The following RBFOX1 variants were observed in gnomAD, a reference collection of about 807,000 sequenced individuals.
RBFOX1 encodes RNA binding fox-1 homolog 1.
RBFOX1 carries 8 observed loss-of-function variants against 57.7 expected under a neutral mutation model. The ratio of observed to expected loss-of-function variants is 0.14; its 90% CI spans 0.08 to 0.25. RBFOX1 has a LOEUF of 0.25. Among genes scored for constraint, RBFOX1 ranks in the 10% least tolerant of loss-of-function variants. The pLI is 1.00. For missense variants in RBFOX1, 611 were observed against 548.5 expected, an observed-to-expected ratio of 1.11 and a Z score of -1.14; for synonymous variants, 326 against 222.4, an observed-to-expected ratio of 1.47 and a Z score of -4.15.
intron 3 of RBFOX1, among the ~76,000 whole-genome samples, chr16:6,992,038 G>A (rs1198286510): frequency 6.6e-6 from 1 of 152,156 alleles, no homozygotes; most frequent in Non-Finnish European, 1.5e-5. Context: ...TTGTCAGAGT[G>A]TGGTCCACCT....
chr16:6,818,995 T>G lies in RBFOX1; in HGVS notation c.-16+164345T>G, dbSNP rs200662960. 5.5e-4 allele frequency among the ~76,000 whole-genome samples: 11 copies of G among 19,862 alleles called. No homozygotes were observed. In the East Asian group the frequency reaches 0.085, roughly 153 times the overall value. 13.0% of individuals were successfully genotyped at this position (19,862 alleles called of 152,430 possible). On this transcript the variant is annotated intron_variant, in intron 3 of 15. Transcript: ENST00000550418. Reference sequence around the variant, plus strand: ...AAAGGCACCTGTCTGAGAATCAAACTTGACACAGAGGAAAATAAAGGTAAG... The same window carrying G: ...AAAGGCACCTGTCTGAGAATCAAACGTGACACAGAGGAAAATAAAGGTAAG...
At chr16:7,066,351 C>G (rs1388243037) in intron 4 of RBFOX1, among the ~76,000 whole-genome samples, 1 of 152,120 alleles carries the variant, frequency 6.6e-6, no homozygotes, top group East Asian at 1.9e-4. Context: ...TAGAAAGGAG[C>G]TAAAATGATC....
intron 1 of RBFOX1, among the ~76,000 whole-genome samples, chr16:6,056,582 T>C (rs2095617300): frequency 6.6e-6 from 1 of 152,228 alleles, no homozygotes; most frequent in Non-Finnish European, 1.5e-5. Context: ...ATTTCTCCTC[T>C]GCTTACTTCC....
In RBFOX1 at chr16:5,576,811, GAA is replaced by G. The variant is rs1359102739; in HGVS notation, c.259-22090_259-22089del. On this transcript the variant is annotated intron_variant, in intron 2 of 2. Coordinates refer to the RBFOX1 transcript ENST00000585867. ...CAGCTTCAGATATCTTGGGGAATAA[GAA>G]GCTGAAGGGTCTGAGCGCTAGAGAA... 3.6e-3 allele frequency among the ~76,000 whole-genome samples: 550 copies of G among 152,378 alleles called. 4 individuals are homozygous for G. Among genetic ancestry groups the G allele is most frequent in the African/African-American group, 0.012 (517 of 41,604 alleles).
At chr16:5,667,536 C>T (rs2049886388) in intron 3 of RBFOX1, among the ~76,000 whole-genome samples, 2 of 152,190 alleles carry the variant, frequency 1.3e-5, no homozygotes, top group Non-Finnish European at 2.9e-5. Context: ...ATTAGTTCAT[C>T]AACTTAAAAA....
chr16:6,349,453 G>C (rs568815733), intron 2 of RBFOX1, among the ~76,000 whole-genome samples: 15 of 152,262 alleles, frequency 9.9e-5, no homozygotes, highest in African/African-American at 3.1e-4. Flanking sequence ...CTACCCCATA[G>C]AATTAAAATA....
At chr16:7,354,241 G>T (rs956822181) in intron 4 of RBFOX1, among the ~76,000 whole-genome samples, 1 of 152,102 alleles carries the variant, frequency 6.6e-6, no homozygotes, top group Admixed American at 6.5e-5. Flanking sequence ...ACACTGCTGC[G>T]ATTACAGGTG....
intron 4 of RBFOX1, among the ~76,000 whole-genome samples, chr16:7,240,814 C>A (rs1403330657): frequency 2.0e-5 from 3 of 152,194 alleles, no homozygotes; most frequent in African/African-American, 4.8e-5. Context: ...AAGCGATCCA[C>A]CTGCCTCAGC....
At chr16:6,833,760 G>T (rs571398143) in intron 3 of RBFOX1, among the ~76,000 whole-genome samples, 1 of 152,198 alleles carries the variant, frequency 6.6e-6, no homozygotes, top group Non-Finnish European at 1.5e-5. Context: ...ATTTGGATGG[G>T]AAGGTTCATT....
chr16:7,643,724 C>T (rs955829939), intron 11 of RBFOX1, among the ~76,000 whole-genome samples: 1 of 152,202 alleles, frequency 6.6e-6, no homozygotes, highest in African/African-American at 2.4e-5. Context: ...AGGGAAACAG[C>T]CTGCCTTTGA....
At chr16:6,364,870 T>A (rs1162245019) in intron 2 of RBFOX1, among the ~76,000 whole-genome samples, 1 of 152,124 alleles carries the variant, frequency 6.6e-6, no homozygotes, top group Non-Finnish European at 1.5e-5. Context: ...GTGGAGGAAA[T>A]TCCCATCCTA....
intron 2 of RBFOX1, among the ~76,000 whole-genome samples, chr16:5,471,161 C>G (rs2069121528): frequency 6.6e-6 from 1 of 150,516 alleles, no homozygotes; most frequent in African/African-American, 2.5e-5. Context: ...AAACTCATTA[C>G]AGTCTCGGCT....
At chr16:6,952,049 C>G (rs558670442) in intron 3 of RBFOX1, among the ~76,000 whole-genome samples, 2 of 152,172 alleles carry the variant, frequency 1.3e-5, no homozygotes, top group African/African-American at 2.4e-5. Context: ...AAAGTGGTTT[C>G]TCATACGTGG....
intron 4 of RBFOX1, among the ~76,000 whole-genome samples, chr16:7,421,922 C>A (rs1053917544): frequency 2.0e-5 from 3 of 152,276 alleles, no homozygotes; most frequent in Admixed American, 6.5e-5. Context: ...AGGAAGTGTA[C>A]ACACATTATT....
chr16:7,663,741 T>C (rs1043771391), intron 12 of RBFOX1, among the ~76,000 whole-genome samples: 2 of 152,158 alleles, frequency 1.3e-5, no homozygotes, highest in Non-Finnish European at 2.9e-5. Flanking sequence ...TAAATAACTA[T>C]GATCCTTTTA....
chr16:6,900,454 A>G (rs1027220405), intron 3 of RBFOX1, among the ~76,000 whole-genome samples: 4 of 152,152 alleles, frequency 2.6e-5, no homozygotes, highest in Admixed American at 6.5e-5. Context: ...AAAACTGTTT[A>G]TTGATTTCCC....
intron 3 of RBFOX1, among the ~76,000 whole-genome samples, chr16:7,009,044 C>T (rs1326216551): frequency 6.8e-5 from 1 of 14,774 alleles, no homozygotes; most frequent in Non-Finnish European, 1.4e-4. Context: ...CTTCCTCCCT[C>T]CCTTCCTCCC....
chr16:5,956,659 TATATATATA>T (rs2059645612), intron 4 of RBFOX1, among the ~76,000 whole-genome samples: 1 of 71,796 alleles, frequency 1.4e-5, no homozygotes, highest in African/African-American at 3.6e-5. Flanking sequence ...TATATATATT[TATATATATA>T]TATATATATA....
intron 2 of RBFOX1, among the ~76,000 whole-genome samples, chr16:6,637,400 A>T (rs1354118513): frequency 1.4e-5 from 1 of 71,926 alleles, no homozygotes; most frequent in African/African-American, 6.2e-5. Flanking sequence ...TTATATATTA[A>T]ATATATATAT....
Sources: allele counts gnomAD v4.1 joint callset (sites outside exome capture counted in the v4.1 genomes callset), GRCh38; gene constraint gnomAD v4.1.1; transcripts MANE v1.5; gene names NCBI Gene and HGNC (gene_info 2026-07-23, HGNC 2026-07-21).